FOXN3: variants seen among roughly 807,000 people sequenced by gnomAD.
The protein encoded by FOXN3 is forkhead box N3.
A neutral mutation model predicts 38.4 loss-of-function variants in FOXN3; 7 were observed. The observed-to-expected ratio is 0.18, with a 90% CI of 0.10 to 0.34. FOXN3 has a LOEUF of 0.34. FOXN3 is among the 10% of genes least tolerant of loss of function. FOXN3 has a pLI of 1.00. For synonymous variants in FOXN3, 230 were observed against 242.2 expected, an observed-to-expected ratio of 0.95 and a Z score of 0.47; for missense variants, 456 against 613.4, an observed-to-expected ratio of 0.74 and a Z score of 2.71.
At chr14:89,442,482 C>T (rs191701801) in intron 1 of FOXN3, among the ~76,000 whole-genome samples, 6 of 152,292 alleles carry the variant, frequency 3.9e-5, no homozygotes, top group East Asian at 3.9e-4. Flanking sequence ...CTGCACCCAG[C>T]GCTGCCACTG....
chr14:89,262,182 G>A (rs1885830161), intron 4 of FOXN3, among the ~76,000 whole-genome samples: 1 of 152,208 alleles, frequency 6.6e-6, no homozygotes, highest in East Asian at 1.9e-4. Context: ...GAGCTGGACT[G>A]ACCTGAGAAG....
chr14:89,364,856 CCCATGGGTAGAATTGTAAGGACT>C (rs1890090621), intron 2 of FOXN3, among the ~76,000 whole-genome samples: 1 of 152,190 alleles, frequency 6.6e-6, no homozygotes, highest in Non-Finnish European at 1.5e-5. Flanking sequence ...TTCTTTTAGG[CCCATGGGTAGAATTGTAAGGACT>C]CTTGTAAATG....
chr14:89,528,374 A>ATTTTTTTTTTT (rs1280882695), intron 1 of FOXN3, among the ~76,000 whole-genome samples: 1 of 62,220 alleles, frequency 1.6e-5, no homozygotes, highest in African/African-American at 7.4e-5. Flanking sequence ...ACATGGATGA[A>ATTTTTTTTTTT]TCTTTTTTTT....
At chr14:89,439,671 T>TG (rs1892338238) in intron 1 of FOXN3, among the ~76,000 whole-genome samples, 1 of 151,318 alleles carries the variant, frequency 6.6e-6, no homozygotes, top group African/African-American at 2.4e-5. Flanking sequence ...TTTTTTTTTT[T>TG]TTGAGACGGA....
At chr14:89,466,202 T>C (rs1173350418) in intron 1 of FOXN3, among the ~76,000 whole-genome samples, 4 of 152,192 alleles carry the variant, frequency 2.6e-5, no homozygotes, top group Non-Finnish European at 4.4e-5. Flanking sequence ...CTCTTTTCCA[T>C]TAGTATCTGT....
chr14:89,260,545 G>A (rs1189568833), intron 4 of FOXN3, among the ~76,000 whole-genome samples: 1 of 152,248 alleles, frequency 6.6e-6, no homozygotes, highest in African/African-American at 2.4e-5. Flanking sequence ...AGCCCACTTT[G>A]TCCCCAGGGT....
chr14:89,242,562 A>G (rs1432574622), intron 4 of FOXN3, among the ~76,000 whole-genome samples: 1 of 152,180 alleles, frequency 6.6e-6, no homozygotes, highest in Non-Finnish European at 1.5e-5. Flanking sequence ...TAATAACGAT[A>G]CCACTAAAGT....
chr14:89,319,299 T>C (rs1392888712), intron 3 of FOXN3, among the ~76,000 whole-genome samples: 1 of 151,946 alleles, frequency 6.6e-6, no homozygotes, highest in Non-Finnish European at 1.5e-5. Context: ...AGCAAAAGGA[T>C]ATGAAGCACA....
chr14:89,162,432 C>T lies in FOXN3; in HGVS notation c.1389G>A (p.Lys463=). Residue 463 remains lysine (K), a synonymous_variant, in exon 6 of 6, where the codon AAG becomes AAA. Coordinates refer to ENST00000557258, the MANE Select transcript of FOXN3 (RefSeq NM_005197.4). The surrounding 1 kb of genome is among the most constrained non-coding windows in gnomAD (Gnocchi z 7.2). The stretch of plus-strand genomic sequence containing the variant: ...CTTGTTTTTAATTTTTTGTGGTTTC[C>T]TTTTGCTCTTTCTGCCCCTTTGCCG... ...NRTAKGQKEQ[K]ETTKN The T allele has an allele frequency of 1.3e-6, 2 of 1,565,140 alleles. No homozygotes were observed. The highest frequency in any genetic ancestry group is 2.3e-5 in the East Asian group (1 of 44,186).
chr14:89,200,271 G>A (rs1596098366), intron 4 of FOXN3, among the ~76,000 whole-genome samples: 1 of 152,122 alleles, frequency 6.6e-6, no homozygotes, highest in African/African-American at 2.4e-5. Flanking sequence ...CTGCAAATTC[G>A]GAATACATCT....
intron 1 of FOXN3, among the ~76,000 whole-genome samples, chr14:89,499,237 C>A (rs756488952): frequency 4.6e-5 from 7 of 151,966 alleles, no homozygotes; most frequent in Non-Finnish European, 1.0e-4. Flanking sequence ...TGTTTTGATT[C>A]GCATCTAATA....
chr14:89,437,148 G>C (rs1056421050), intron 1 of FOXN3, among the ~76,000 whole-genome samples: 14 of 151,512 alleles, frequency 9.2e-5, no homozygotes, highest in African/African-American at 3.4e-4. Context: ...ACTCCAGTCT[G>C]GGCAACAAAG....
intron 5 of FOXN3, among the ~76,000 whole-genome samples, chr14:89,165,917 T>G (rs1362609372): frequency 2.6e-5 from 4 of 152,226 alleles, no homozygotes; most frequent in Non-Finnish European, 5.9e-5. Flanking sequence ...TTCTGAATGT[T>G]TCTTTTAAAA....
intron 1 of FOXN3, among the ~76,000 whole-genome samples, chr14:89,556,210 C>A (rs1358592762): frequency 6.6e-6 from 1 of 151,970 alleles, no homozygotes; most frequent in Admixed American, 6.6e-5. Flanking sequence ...TTGAGACCAG[C>A]CTGACCAACA....
Position 89,536,387 on chromosome 14 carries a change from T to C in FOXN3, c.-15+82641A>G, listed in dbSNP as rs148255769. Among the ~76,000 whole-genome samples, 795 of 152,332 alleles carry C rather than the reference T, an allele frequency of 5.2e-3. 7 individuals carry two copies. Among genetic ancestry groups the C allele is most frequent in the African/African-American group, 0.018 (753 of 41,568 alleles). On this transcript the variant is annotated intron_variant, in intron 1 of 6. Coordinates refer to the FOXN3 transcript ENST00000345097. ...AGTGAGTACACACTAGCTATTTTAATAGCATTTCACAGATAAATGCAACCC... is the reference window on the plus strand; with the variant it reads ...AGTGAGTACACACTAGCTATTTTAACAGCATTTCACAGATAAATGCAACCC...
At chr14:89,420,292 C>T (rs138785457), upstream of FOXN3, among the ~76,000 whole-genome samples, 10 of 152,208 alleles carry the variant, frequency 6.6e-5, no homozygotes, top group East Asian at 1.9e-4. Context: ...GACTCCCCTA[C>T]GCGCATGGCC....
chr14:89,472,353 G>A (rs751795223), intron 1 of FOXN3, among the ~76,000 whole-genome samples: 4 of 152,052 alleles, frequency 2.6e-5, no homozygotes, highest in Admixed American at 6.5e-5. Context: ...AGTGACACAT[G>A]TGCACAACTC....
At chr14:89,324,435 AGTGTGTGCGTGT>A (rs1181545928) in intron 3 of FOXN3, among the ~76,000 whole-genome samples, 4 of 123,478 alleles carry the variant, frequency 3.2e-5, no homozygotes, top group African/African-American at 9.9e-5. Context: ...GAAACAGCTA[AGTGTGTGCGTGT>A]GTGTGTGTGT....
intron 1 of FOXN3, among the ~76,000 whole-genome samples, chr14:89,473,243 C>T (rs1893143738): frequency 6.6e-6 from 1 of 152,044 alleles, no homozygotes. Flanking sequence ...CCAGGATGGG[C>T]TTGATCTCCT....
Sources: allele counts gnomAD v4.1 joint callset (sites outside exome capture counted in the v4.1 genomes callset), GRCh38; gene constraint gnomAD v4.1.1; non-coding constraint Gnocchi (gnomAD v3.1); transcripts MANE v1.5; gene names NCBI Gene and HGNC (gene_info 2026-07-23, HGNC 2026-07-21).